CFH: variants seen among roughly 807,000 people sequenced by gnomAD.
CFH encodes H factor 1 (complement).
In CFH, 53 loss-of-function variants were observed where a neutral mutation model predicts 147.3. The observed-to-expected ratio is 0.36, with a 90% CI of 0.29 to 0.45. The LOEUF is 0.45. Ranked by LOEUF, CFH falls within the 20% of genes least tolerant of loss-of-function variation. The pLI, the probability that CFH is intolerant of heterozygous loss-of-function variation, is 1.00. For synonymous variants in CFH, 536 were observed against 489.4 expected, an observed-to-expected ratio of 1.10 and a Z score of -1.26; for missense variants, 1,380 against 1,498.0, an observed-to-expected ratio of 0.92 and a Z score of 1.30.
In CFH at chr1:196,726,862, T is replaced by C; in HGVS notation, c.2158T>C (p.Ser720Pro). 6.2e-7 allele frequency: 1 copy of C among 1,613,718 alleles called. No individual in the cohort carries two copies. Among genetic ancestry groups the C allele is most frequent in the Non-Finnish European group, 8.5e-7 (1 of 1,179,720 alleles). The change falls in exon 14 of 22, where the codon TCA becomes CCA. Residue 720 changes from serine (S) to proline (P), a missense_variant. Coordinates refer to ENST00000367429, the MANE Select transcript of CFH (RefSeq NM_000186.4). ...TGGAGATTCAGTGGAATTCAATTGC[T>C]CAGAATCATTTACAATGATTGGACA... is the stretch of plus-strand genomic sequence containing the variant. ...YYGDSVEFNC[S>P]ESFTMIGHRS...
chr1:196,745,713 A>G (rs1208418076), intron 20 of CFH, 104 bp from the exon 21 acceptor site: 1 of 1,500,426 alleles, frequency 6.7e-7, no homozygotes, highest in East Asian at 2.3e-5. Context: ...GAAATCACAA[A>G]ACTGTTGATA....
intron 1 of CFH, among the ~76,000 whole-genome samples, chr1:196,665,015 A>T (rs1195268947): frequency 1.3e-5 from 2 of 151,630 alleles, no homozygotes; most frequent in African/African-American, 4.8e-5. Context: ...ATTGATTATC[A>T]TCTCCTTTAC....
intron 20 of CFH, 64 bp from the exon 21 acceptor site, chr1:196,745,753 T>C: frequency 6.2e-7 from 1 of 1,611,064 alleles, no homozygotes; most frequent in Non-Finnish European, 8.5e-7. Context: ...TGCGTTTGCC[T>C]TATTTGAACT....
chr1:196,713,590 C>G (rs796297416), intron 9 of CFH, 145 bp from the exon 10 acceptor site: 14 of 560,902 alleles, frequency 2.5e-5, no homozygotes, highest in Middle Eastern at 5.2e-4. Flanking sequence ...GCTTATTTTC[C>G]TTGACTTAAG....
At chr1:196,673,258 A>G (rs1667344913) in intron 2 of CFH, 95 bp downstream of exon 2, 1 of 1,109,280 alleles carries the variant, frequency 9.0e-7, no homozygotes, top group African/African-American at 1.6e-5. Context: ...TTATATCACT[A>G]TTGCCAGTCA....
At chr1:196,710,242 T>C (rs1350694190) in intron 9 of CFH, among the ~76,000 whole-genome samples, 1 of 152,172 alleles carries the variant, frequency 6.6e-6, no homozygotes, top group Non-Finnish European at 1.5e-5. Context: ...AGAACAGATC[T>C]GGGGCTTGAG....
At chr1:196,671,405 T>C (rs1022546177) in intron 1 of CFH, among the ~76,000 whole-genome samples, 9 of 151,984 alleles carry the variant, frequency 5.9e-5, no homozygotes, top group Non-Finnish European at 1.2e-4. Flanking sequence ...TTTATATAAC[T>C]TACTCTCATC....
At chr1:196,657,334 G>T (rs746876880) in intron 1 of CFH, among the ~76,000 whole-genome samples, 1 of 152,010 alleles carries the variant, frequency 6.6e-6, no homozygotes, top group Admixed American at 6.6e-5. Context: ...AAGCTAATTA[G>T]ATCATATCGT....
chr1:196,722,212 C>A (rs1174373870), intron 11 of CFH, among the ~76,000 whole-genome samples: 4 of 151,850 alleles, frequency 2.6e-5, no homozygotes, highest in Non-Finnish European at 5.9e-5. Context: ...TTCAGGACTC[C>A]CTGGATCATT....
chr1:196,733,596 A>G (rs1669331905), intron 15 of CFH, among the ~76,000 whole-genome samples: 1 of 152,180 alleles, frequency 6.6e-6, no homozygotes, highest in Non-Finnish European at 1.5e-5. Context: ...GTGCTTACAC[A>G]CCCATATAAA....
At position 196,673,894 on chromosome 1, in the gene CFH, T is replaced by C; in HGVS notation, c.282T>C (p.Gly94=). 2 of 1,613,690 alleles carry C rather than the reference T, an allele frequency of 1.2e-6. No individual in the cohort carries two copies. The highest frequency in any genetic ancestry group is 8.5e-7 in the Non-Finnish European group (1 of 1,179,748). The part of the protein sequence containing the change: ...PCGHPGDTPF[G]TFTLTGGNVF... ...GACATCCTGGAGATACTCCTTTTGG[T>C]ACTTTTACCCTTACAGGAGGAAATG... The change falls in exon 3 of 22, where the codon GGT becomes GGC. Residue 94 remains glycine (G), a synonymous_variant. Transcript: ENST00000367429.
chr1:196,694,712 G>A (rs76443425), intron 9 of CFH, among the ~76,000 whole-genome samples: 1 of 152,184 alleles, frequency 6.6e-6, no homozygotes, highest in East Asian at 1.9e-4. Flanking sequence ...GGCGTGAATT[G>A]GTTTCTCATT....
At position 196,689,460 on chromosome 1, in the gene CFH, A is replaced by G. The variant is rs768411832; in HGVS notation, c.1005A>G (p.Leu335=). 31 of 1,613,348 alleles carry G rather than the reference A, an allele frequency of 1.9e-5. No homozygotes were observed. The South Asian group carries it at 2.4e-4, about 13-fold the overall frequency. Residue 335 remains leucine (L), a synonymous_variant, in exon 8 of 22, where the codon CTA becomes CTG. Coordinates refer to ENST00000367429, the MANE Select transcript of CFH (RefSeq NM_000186.4). ...CDYPDIKHGG[L]YHENMRRPYF... is the part of the protein sequence containing the mutation. ...ATCCAGACATTAAACATGGAGGTCT[A>G]TATCATGAGAATATGCGTAGACCAT...
intron 7 of CFH, among the ~76,000 whole-genome samples, chr1:196,685,476 G>T (rs1383364286): frequency 2.0e-5 from 3 of 151,812 alleles, no homozygotes; most frequent in Admixed American, 6.6e-5. Flanking sequence ...TCCAATATCT[G>T]AATTAAAACA....
intron 11 of CFH, among the ~76,000 whole-genome samples, chr1:196,722,084 A>G (rs1393203518): frequency 2.0e-5 from 3 of 152,018 alleles, no homozygotes; most frequent in African/African-American, 7.2e-5. Flanking sequence ...TCTTGTCATT[A>G]TGTTAGTTGT....
rs1284482681 is a variant in CFH, at chr1:196,740,605, T to A, written c.2783-14T>A. The A allele has an allele frequency of 1.2e-6, 2 of 1,611,452 alleles. No individual in the cohort carries two copies. The highest frequency in any genetic ancestry group is 2.2e-5 in the South Asian group (2 of 90,674). On this transcript the variant is annotated splice_polypyrimidine_tract_variant and intron_variant, in intron 17 of 21. Coordinates refer to ENST00000367429, the MANE Select transcript of CFH (RefSeq NM_000186.4). ...ATGAGTTAGTGAAACCTGAATTCAT[T>A]CTTTTTTTTTTAGGCCTTCCTTGTA...
Position 196,685,169 on chromosome 1 carries a change from A to T in CFH, c.896A>T (p.Tyr299Phe). The T allele has an allele frequency of 1.2e-6, 2 of 1,613,226 alleles. No individual in the cohort carries two copies. The highest frequency in any genetic ancestry group is 1.7e-5 in the Admixed American group (1 of 59,892). Residue 299 changes from tyrosine to phenylalanine, a missense_variant, in exon 7 of 22, where the codon TAT (tyrosine) becomes TTT (phenylalanine). Tyr to Phe is a conservative substitution (Grantham distance 22, BLOSUM62 3). Transcript: ENST00000367429. ...ACGTACCAGTGTAGAAATGGTTTTT[A>T]TCCTGCAACCCGGGGAAATACAGCA... Reference protein sequence around the residue: ...EITYQCRNGFYPATRGNTAKC... With the variant: ...EITYQCRNGFFPATRGNTAKC...
chr1:196,701,018 A>T (rs1668434011), intron 9 of CFH, among the ~76,000 whole-genome samples: 1 of 152,122 alleles, frequency 6.6e-6, no homozygotes, highest in Non-Finnish European at 1.5e-5. Context: ...CTAGGTAGGA[A>T]CTTATTTGAG....
chr1:196,672,065 C>T (rs1042795561), intron 1 of CFH, among the ~76,000 whole-genome samples: 11 of 151,876 alleles, frequency 7.2e-5, no homozygotes, highest in African/African-American at 1.5e-4. Context: ...TATGAGACAA[C>T]GGGAAAGTCA....
Sources: allele counts gnomAD v4.1 joint callset (sites outside exome capture counted in the v4.1 genomes callset), GRCh38; gene constraint gnomAD v4.1.1; transcripts MANE v1.5; gene names NCBI Gene and HGNC (gene_info 2026-07-23, HGNC 2026-07-21).